The following RAB7B variants were observed in gnomAD, a reference collection of about 807,000 sequenced individuals.
The protein encoded by RAB7B is ras-related protein Rab-7b.
rs1660426083 is a variant in RAB7B, at chr1:205,978,444, G to A, written c.*407C>T. ...AGCTTTGCTTGTGGCTGAGGGGTGT[G>A]AGGTGGGAGCGGGTGAGGAAGGTCT... On this transcript the variant is annotated 3_prime_UTR_variant, in exon 6 of 6. Coordinates refer to ENST00000617070, the MANE Select transcript of RAB7B (RefSeq NM_001164522.3). 6.3e-6 allele frequency: 1 copy of A among 157,484 alleles called. No individual in the cohort carries two copies. The highest frequency in any genetic ancestry group is 1.4e-5 in the Non-Finnish European group (1 of 71,782). 9.8% of individuals were successfully genotyped at this position (157,484 alleles called of 1,614,324 possible).
intron 1 of RAB7B, chr1:205,994,409 A>C: frequency 3.8e-6 from 1 of 264,402 alleles, no homozygotes. Context: ...AGCTCTACCA[A>C]CCCTGCTCTT....
chr1:205,984,736 T>C (rs1261417028), intron 5 of RAB7B, among the ~76,000 whole-genome samples: 3 of 152,200 alleles, frequency 2.0e-5, no homozygotes, highest in Non-Finnish European at 4.4e-5. Context: ...ATTGCCCCTT[T>C]CTGTCATGAA....
chr1:205,978,599 AG>A lies in RAB7B; in HGVS notation c.*251del. On this transcript the variant is annotated 3_prime_UTR_variant, in exon 6 of 6. Transcript: ENST00000617070. The stretch of plus-strand genomic sequence containing the variant: ...CCACTGCGGAAACGGTGACTTCTGC[AG>A]GACCAGGGTTTGGCTCTGACATTCC... 1 of 344,722 alleles carries A rather than the reference AG, an allele frequency of 2.9e-6. No homozygotes were observed. The highest frequency in any genetic ancestry group is 5.2e-6 in the Non-Finnish European group (1 of 191,990). The allele number at this position is 344,722 out of a possible 1,614,324, so 21.4% of individuals were successfully genotyped here.
chr1:205,985,996 C>A (rs940649112), intron 4 of RAB7B, among the ~76,000 whole-genome samples: 2 of 152,250 alleles, frequency 1.3e-5, no homozygotes, highest in Admixed American at 6.5e-5. Context: ...AGGATTTGAA[C>A]ACAGGCCTGG....
intron 5 of RAB7B, among the ~76,000 whole-genome samples, chr1:205,982,743 C>G (rs1016866696): frequency 6.6e-6 from 1 of 152,082 alleles, no homozygotes; most frequent in Non-Finnish European, 1.5e-5. Context: ...ATTATAGAAG[C>G]GCCTCCCACA....
At chr1:205,980,078 A>G (rs2102630393) in intron 5 of RAB7B, among the ~76,000 whole-genome samples, 1 of 152,118 alleles carries the variant, frequency 6.6e-6, no homozygotes, top group East Asian at 1.9e-4. Flanking sequence ...ACACCCCATC[A>G]CTCACTGCCA....
chr1:205,985,750 A>ACCAGGCCCACCAG (rs1660583920), intron 4 of RAB7B, 85 bp from the exon 5 acceptor site: 2 of 344,360 alleles, frequency 5.8e-6, no homozygotes, highest in African/African-American at 2.5e-5. Flanking sequence ...CACCATCCCC[A>ACCAGGCCCACCAG]TCAGGCCCAC....
At chr1:205,990,929 A>G (rs1347946500) in intron 4 of RAB7B, among the ~76,000 whole-genome samples, 3 of 151,744 alleles carry the variant, frequency 2.0e-5, no homozygotes, top group Non-Finnish European at 4.4e-5. Flanking sequence ...CTGGGATTAC[A>G]GATGCCCACC....
At chr1:205,994,017 T>G (rs1319521552) in intron 2 of RAB7B, 66 bp downstream of exon 2, 6 of 398,314 alleles carry the variant, frequency 1.5e-5, no homozygotes, top group Non-Finnish European at 2.7e-5. Flanking sequence ...TGGGAACACA[T>G]CAGGAGGTCT....
At chr1:205,980,968 C>T (rs960866993) in intron 5 of RAB7B, among the ~76,000 whole-genome samples, 185 of 151,656 alleles carry the variant, frequency 1.2e-3, no homozygotes, top group African/African-American at 4.2e-3. Context: ...GTGGCACAAT[C>T]ATGGCTCACC....
At chr1:206,002,131 G>A (rs1365759296) in intron 1 of RAB7B, among the ~76,000 whole-genome samples, 1 of 152,052 alleles carries the variant, frequency 6.6e-6, no homozygotes, top group African/African-American at 2.4e-5. Context: ...AAAATAATGG[G>A]ACCTACAATC....
intron 5 of RAB7B, among the ~76,000 whole-genome samples, chr1:205,982,134 C>T (rs1165878039): frequency 6.6e-6 from 1 of 152,218 alleles, no homozygotes; most frequent in African/African-American, 2.4e-5. Context: ...CCTGGTGTCT[C>T]GAGGATCCTT....
intron 5 of RAB7B, among the ~76,000 whole-genome samples, chr1:205,979,139 C>T (rs1341007316): frequency 1.3e-5 from 2 of 152,164 alleles, no homozygotes; most frequent in Non-Finnish European, 2.9e-5. Context: ...GAGCCCAGAG[C>T]AGGTCAGTGT....
intron 1 of RAB7B, among the ~76,000 whole-genome samples, chr1:205,994,930 A>C (rs1170419432): frequency 2.6e-5 from 4 of 152,198 alleles, no homozygotes; most frequent in Admixed American, 6.5e-5. Context: ...ATGCCCTAGG[A>C]TCTAAATAGG....
chr1:205,981,614 A>C lies in RAB7B; in HGVS notation c.523-2686T>G, dbSNP rs1016485049. Among the ~76,000 whole-genome samples, 15 of 147,706 alleles carry C rather than the reference A, an allele frequency of 1.0e-4. No individual in the cohort carries two copies. In the East Asian group the frequency reaches 2.9e-3, roughly 28 times the overall value. ...CTGAACACCTACTCTGGTTTCTTTC[A>C]CAATGTTAACTGAACACCTACTGTG... On this transcript the variant is annotated intron_variant, in intron 5 of 5. Coordinates refer to ENST00000617070, the MANE Select transcript of RAB7B (RefSeq NM_001164522.3).
chr1:205,985,985 C>T (rs1049392357), intron 4 of RAB7B, among the ~76,000 whole-genome samples: 2 of 152,254 alleles, frequency 1.3e-5, no homozygotes, highest in African/African-American at 4.8e-5. Context: ...TGAGGCTGAG[C>T]AGGATTTGAA....
rs1171556667 is a variant in RAB7B, at chr1:205,992,687, G to C, written c.189C>G (p.Asp63Glu). The change falls in exon 4 of 6, where the codon GAC (aspartate) becomes GAG (glutamate). Residue 63 changes from aspartate to glutamate, a missense_variant. Transcript: ENST00000617070. ...GDTTLKLQIWDTGGQERFRSM... is the reference protein window; with the variant it reads ...GDTTLKLQIWETGGQERFRSM... Reference sequence around the variant, plus strand: ...AGCGGAACCGCTCCTGACCGCCCGTGTCCCAGATCTGGAGGGGAAAGCAGT... The same window carrying C: ...AGCGGAACCGCTCCTGACCGCCCGTCTCCCAGATCTGGAGGGGAAAGCAGT... 1.3e-5 allele frequency: 5 copies of C among 398,766 alleles called. No homozygotes were observed. Among genetic ancestry groups the C allele is most frequent in the Non-Finnish European group, 2.2e-5 (5 of 226,252 alleles). 24.7% of individuals were successfully genotyped at this position (398,766 alleles called of 1,614,324 possible).
intron 4 of RAB7B, among the ~76,000 whole-genome samples, chr1:205,990,595 G>A (rs1315692798): frequency 6.6e-6 from 1 of 152,074 alleles, no homozygotes; most frequent in Non-Finnish European, 1.5e-5. Flanking sequence ...ACTGCTTGGA[G>A]GAAAAGGTGA....
intron 5 of RAB7B, among the ~76,000 whole-genome samples, chr1:205,980,951 G>C (rs1448584605): frequency 6.6e-6 from 1 of 151,392 alleles, no homozygotes; most frequent in Non-Finnish European, 1.5e-5. Flanking sequence ...GCCCAGGCTG[G>C]AGTGCAGTGG....
Sources: allele counts gnomAD v4.1 joint callset (sites outside exome capture counted in the v4.1 genomes callset), GRCh38; gene constraint gnomAD v4.1.1; transcripts MANE v1.5; gene names NCBI Gene and HGNC (gene_info 2026-07-23, HGNC 2026-07-21).